Variants in GALNT1 observed in about 807,000 individuals in gnomAD.
GALNT1 encodes GalNAc transferase 1.
GALNT1 carries 17 observed loss-of-function variants against 65.7 expected under a neutral mutation model. The observed-to-expected ratio is 0.26, with a 90% CI of 0.18 to 0.39. The LOEUF is 0.39. Ranked by LOEUF, GALNT1 falls within the 10% of genes least tolerant of loss-of-function variation. GALNT1 has a pLI of 1.00. For missense variants in GALNT1, 460 were observed against 672.8 expected (o/e 0.68, Z 3.50); for synonymous variants, 210 against 219.7 (o/e 0.96, Z 0.39).
intron 1 of GALNT1, among the ~76,000 whole-genome samples, chr18:35,619,880 A>G (rs891846082): frequency 6.6e-6 from 1 of 152,140 alleles, no homozygotes; most frequent in Admixed American, 6.5e-5. Context: ...GTTTTTTTAA[A>G]TAAAAAATGT....
intron 11 of GALNT1, among the ~76,000 whole-genome samples, chr18:35,706,914 C>T (rs1372427743): frequency 6.6e-6 from 1 of 152,134 alleles, no homozygotes; most frequent in East Asian, 1.9e-4. Flanking sequence ...GATTTCAAAG[C>T]AACCCTAGAA....
At chr18:35,583,721 A>T (rs2046349987) in intron 1 of GALNT1, among the ~76,000 whole-genome samples, 1 of 152,126 alleles carries the variant, frequency 6.6e-6, no homozygotes, top group Admixed American at 6.6e-5. Flanking sequence ...AACAACAACA[A>T]AACTGATTGT....
intron 1 of GALNT1, among the ~76,000 whole-genome samples, chr18:35,651,902 A>G (rs904129407): frequency 1.4e-4 from 21 of 152,250 alleles, no homozygotes; most frequent in Non-Finnish European, 1.5e-5. Flanking sequence ...AAGAAAAATT[A>G]TCTGCCATAT....
intron 1 of GALNT1, among the ~76,000 whole-genome samples, chr18:35,647,067 T>G (rs2047240895): frequency 6.6e-6 from 1 of 152,232 alleles, no homozygotes; most frequent in Non-Finnish European, 1.5e-5. Flanking sequence ...CATCTCCAGC[T>G]TCATCTCACA....
At chr18:35,624,581 C>A (rs2046893251) in intron 1 of GALNT1, among the ~76,000 whole-genome samples, 1 of 151,876 alleles carries the variant, frequency 6.6e-6, no homozygotes, top group African/African-American at 2.4e-5. Context: ...TTATTTCTAC[C>A]ATTTTGTGCT....
chr18:35,600,197 C>T (rs991796205), intron 1 of GALNT1, among the ~76,000 whole-genome samples: 1 of 152,136 alleles, frequency 6.6e-6, no homozygotes, highest in South Asian at 2.1e-4. Context: ...TAATTTCTTT[C>T]ATCAGTGTTT....
At chr18:35,602,326 A>T (rs563664018) in intron 1 of GALNT1, among the ~76,000 whole-genome samples, 1 of 152,130 alleles carries the variant, frequency 6.6e-6, no homozygotes, top group South Asian at 2.1e-4. Flanking sequence ...GAGTTTGATC[A>T]TTATATCTTG....
At chr18:35,682,716 A>G (rs955451444) in intron 4 of GALNT1, among the ~76,000 whole-genome samples, 2 of 151,988 alleles carry the variant, frequency 1.3e-5, no homozygotes, top group African/African-American at 2.4e-5. Context: ...CAGGATAGCT[A>G]TTGATTTCAT....
chr18:35,679,737 CT>C (rs74905997), intron 4 of GALNT1, among the ~76,000 whole-genome samples: 14,429 of 152,182 alleles, frequency 0.095, 823 homozygotes, highest in African/African-American at 0.16. Flanking sequence ...AATTTGCAGT[CT>C]TGCTTTCCAG....
At chr18:35,669,017 G>A (rs1189968638) in intron 3 of GALNT1, among the ~76,000 whole-genome samples, 4 of 152,170 alleles carry the variant, frequency 2.6e-5, no homozygotes, top group East Asian at 1.9e-4. Context: ...CGAGGTGGGC[G>A]GATCATGAGG....
chr18:35,674,982 C>CAAAA (rs150477892), intron 3 of GALNT1, among the ~76,000 whole-genome samples: 6 of 30,292 alleles, frequency 2.0e-4, no homozygotes, highest in African/African-American at 3.9e-4. Flanking sequence ...GACTCCGTCT[C>CAAAA]AAAAAAAAAA....
At chr18:35,658,735 A>G (rs1598797917) in intron 2 of GALNT1, among the ~76,000 whole-genome samples, 1 of 147,814 alleles carries the variant, frequency 6.8e-6, no homozygotes, top group African/African-American at 2.5e-5. Context: ...TTAAAGACAG[A>G]GTCTTACTCT....
chr18:35,688,039 T>A (rs1055277972), intron 6 of GALNT1, among the ~76,000 whole-genome samples: 1 of 152,200 alleles, frequency 6.6e-6, no homozygotes, highest in African/African-American at 2.4e-5. Flanking sequence ...CTTTAGCTGT[T>A]AGTGCAATTC....
At chr18:35,658,093 G>T (rs1435190700) in intron 2 of GALNT1, among the ~76,000 whole-genome samples, 1 of 152,146 alleles carries the variant, frequency 6.6e-6, no homozygotes, top group Non-Finnish European at 1.5e-5. Flanking sequence ...ACTGGGTTTT[G>T]TACAAAAGTA....
intron 1 of GALNT1, among the ~76,000 whole-genome samples, chr18:35,595,206 G>C (rs907843132): frequency 6.6e-6 from 1 of 152,110 alleles, no homozygotes; most frequent in Non-Finnish European, 1.5e-5. Context: ...AAAAAGTAAT[G>C]TAATATTTAA....
chr18:35,654,354 T>C (rs902024935), intron 1 of GALNT1, among the ~76,000 whole-genome samples: 3 of 152,086 alleles, frequency 2.0e-5, no homozygotes, highest in African/African-American at 7.2e-5. Flanking sequence ...GTAGGAATTA[T>C]TTATATAGTC....
rs76698079 is a variant in GALNT1, at chr18:35,616,647, G to A, written c.-104+34785G>A. Among the ~76,000 whole-genome samples the A allele has an allele frequency of 6.0e-3, 917 of 152,158 alleles. 10 individuals carry two copies. The highest frequency in any genetic ancestry group is 0.02 in the African/African-American group (844 of 41,510). On this transcript the variant is annotated intron_variant, in intron 1 of 11. Coordinates refer to ENST00000269195, the MANE Select transcript of GALNT1 (RefSeq NM_020474.4). ...GGTTGTAAAACCTTCTAGTGTTTTAGTGTTGTGTTTTAATCTCCACATTCA... is the reference window on the plus strand; with the variant it reads ...GGTTGTAAAACCTTCTAGTGTTTTAATGTTGTGTTTTAATCTCCACATTCA...
At chr18:35,640,229 CTGT>C (rs2047143600) in intron 1 of GALNT1, among the ~76,000 whole-genome samples, 1 of 152,156 alleles carries the variant, frequency 6.6e-6, no homozygotes, top group African/African-American at 2.4e-5. Context: ...ACAAGGATGC[CTGT>C]TGTTACCTTC....
rs1168844218 is a variant in GALNT1, at chr18:35,622,885, CTTAT to C, written c.-103-31672_-103-31669del. The stretch of plus-strand genomic sequence containing the variant: ...TATCTTTTGTTAGGTTAACCAAATT[CTTAT>C]TTCTAGTTTTCCATGAGTTCTTTGT... On this transcript the variant is annotated intron_variant, in intron 1 of 11. Coordinates refer to ENST00000269195, the MANE Select transcript of GALNT1 (RefSeq NM_020474.4). Among the ~76,000 whole-genome samples the C allele has an allele frequency of 2.6e-5, 4 of 151,644 alleles. No individual in the cohort carries two copies. The East Asian group carries it at 7.7e-4, about 29-fold the overall frequency.
Sources: gnomAD v4.1 joint callset for allele counts (sites outside exome capture counted in the v4.1 genomes callset) on GRCh38, gnomAD v4.1.1 for gene constraint, MANE v1.5 for transcripts, NCBI Gene and HGNC (gene_info 2026-07-23, HGNC 2026-07-21) for gene names.